TMEM273: variants seen among roughly 807,000 people sequenced by gnomAD.
TMEM273 encodes chromosome 10 open reading frame 128.
TMEM273 carries 19 observed loss-of-function variants against 17.9 expected under a neutral mutation model. The observed-to-expected ratio is 1.06, with a 90% CI of 0.74 to 1.55. The LOEUF is 1.55. Ranked by LOEUF, TMEM273 falls within the 40% of genes most tolerant of loss-of-function variation. The probability of loss-of-function intolerance (pLI) is 0.00; values close to 1 mark genes in which losing one functional copy is unlikely to be tolerated. For missense variants in TMEM273, 194 were observed against 155.6 expected (o/e 1.25, Z -1.31); for synonymous variants, 66 against 62.0 (o/e 1.07, Z -0.31).
chr10:49,184,765 C>G (rs1413463575), intron 1 of TMEM273, among the ~76,000 whole-genome samples: 1 of 152,194 alleles, frequency 6.6e-6, no homozygotes, highest in Non-Finnish European at 1.5e-5. Context: ...GCTAGAAAAC[C>G]AGCTGCAGGT....
At chr10:49,163,588 C>T (rs944870551) in intron 5 of TMEM273, among the ~76,000 whole-genome samples, 2 of 152,160 alleles carry the variant, frequency 1.3e-5, no homozygotes, top group Non-Finnish European at 2.9e-5. Flanking sequence ...AGCCTCTTCT[C>T]ACTCTCACAA....
At position 49,188,376 on chromosome 10, in the gene TMEM273, G is replaced by A. The variant is rs1847856922; in HGVS notation, c.-40C>T. 1.2e-6 allele frequency: 2 copies of A among 1,613,918 alleles called. No individual in the cohort carries two copies. Among genetic ancestry groups the A allele is most frequent in the African/African-American group, 2.7e-5 (2 of 75,042 alleles). On this transcript the variant is annotated 5_prime_UTR_variant, in exon 1 of 7. Transcript: ENST00000374153. Reference sequence around the variant, plus strand: ...CTTGGCTCCTGGCTCCTGGCTGCTGGCAGCGCAGGCACAATGAGCCATGTG... The same window carrying A: ...CTTGGCTCCTGGCTCCTGGCTGCTGACAGCGCAGGCACAATGAGCCATGTG...
chr10:49,177,446 TA>T (rs1847056712), intron 1 of TMEM273, among the ~76,000 whole-genome samples: 2 of 152,142 alleles, frequency 1.3e-5, no homozygotes, highest in Admixed American at 1.3e-4. Flanking sequence ...CAAAACAAGA[TA>T]AAAAAGAAAA....
intron 1 of TMEM273, among the ~76,000 whole-genome samples, chr10:49,179,646 GAGA>G (rs1415616800): frequency 2.0e-4 from 31 of 152,276 alleles, no homozygotes; most frequent in Middle Eastern, 3.4e-3. Flanking sequence ...CAAAAATGGA[GAGA>G]AGAAGGCAGA....
chr10:49,176,627 C>T (rs1278170398), intron 1 of TMEM273, among the ~76,000 whole-genome samples: 1 of 152,206 alleles, frequency 6.6e-6, no homozygotes, highest in Non-Finnish European at 1.5e-5. Context: ...CTCTGGGAAG[C>T]ATTGCTCTGG....
chr10:49,186,122 A>AG (rs1564652571), intron 1 of TMEM273, among the ~76,000 whole-genome samples: 8 of 129,520 alleles, frequency 6.2e-5, no homozygotes, highest in Admixed American at 2.2e-4. Context: ...AAGAAGAAGA[A>AG]AAAGAGGAAG....
In TMEM273 at chr10:49,176,680, C is replaced by T. The variant is rs144789998; in HGVS notation, c.44-8718G>A. Among the ~76,000 whole-genome samples the T allele has an allele frequency of 7.4e-3, 1,119 of 152,166 alleles. 21 individuals are homozygous for T. The South Asian group carries it at 0.088, about 12-fold the overall frequency. ...CCGAGGGGAGTGCGCATCCAGGGAG[C>T]GGGGCTGTGGGATGACAGCTGTCCT... On this transcript the variant is annotated intron_variant, in intron 1 of 6. Coordinates refer to ENST00000374153, the MANE Select transcript of TMEM273 (RefSeq NM_001288740.3).
chr10:49,175,667 G>A lies in TMEM273; in HGVS notation c.44-7705C>T, dbSNP rs2132231039. ...AATGGAGGGGTGGAGGCGGAGAGCTGGCCTGGGCCTGAACCAGGGCTAGGA... is the reference window on the plus strand; with the variant it reads ...AATGGAGGGGTGGAGGCGGAGAGCTAGCCTGGGCCTGAACCAGGGCTAGGA... On this transcript the variant is annotated intron_variant, in intron 1 of 6. Coordinates refer to ENST00000374153, the MANE Select transcript of TMEM273 (RefSeq NM_001288740.3). 1.3e-5 allele frequency among the ~76,000 whole-genome samples: 2 copies of A among 152,358 alleles called. 1 individual carries two copies. Among genetic ancestry groups the A allele is most frequent in the South Asian group, 4.1e-4 (2 of 4,828 alleles).
chr10:49,168,448 C>T (rs1001023878), intron 1 of TMEM273, among the ~76,000 whole-genome samples: 3 of 152,078 alleles, frequency 2.0e-5, no homozygotes, highest in Non-Finnish European at 4.4e-5. Flanking sequence ...GCTCCGTAGC[C>T]GTGGTGCTTG....
intron 1 of TMEM273, among the ~76,000 whole-genome samples, chr10:49,185,476 T>G (rs1396144779): frequency 6.6e-6 from 1 of 152,176 alleles, no homozygotes; most frequent in Non-Finnish European, 1.5e-5. Flanking sequence ...GACCCCCATC[T>G]GCCAGTAGAT....
At position 49,155,024 on chromosome 10, in the gene TMEM273, T is replaced by C. The variant is rs528259204; in HGVS notation, c.*868A>G. On this transcript the variant is annotated 3_prime_UTR_variant, in exon 7 of 7. Coordinates refer to ENST00000374153, the MANE Select transcript of TMEM273 (RefSeq NM_001288740.3). ...TGTGATCCCAGAAATACAGGGTTAA[T>C]ATTACAAGGGAGAGAAATGCTCACG... 4 of 152,342 alleles carry C rather than the reference T, an allele frequency of 2.6e-5. No homozygotes were observed. The allele number at this position is 152,342 out of a possible 1,614,324, so 9.4% of individuals were successfully genotyped here. A position where few individuals can be genotyped will look rare whatever the true frequency, so the allele number is the denominator to read the frequency against.
chr10:49,167,008 A>G lies in TMEM273; in HGVS notation c.99T>C (p.Asp33=), dbSNP rs1564628741. ...ATGKTPGAEI[D]FKYALIGTAV... ...CAGTCCCGATGAGGGCGTACTTGAA[A>G]TCTGAAACGCAGGGAGGAATTGAAC... is the stretch of plus-strand genomic sequence containing the variant. Residue 33 remains aspartate (D), a splice_region_variant and synonymous_variant, in exon 3 of 7, where the codon GAT becomes GAC. Transcript: ENST00000374153. 1.2e-6 allele frequency: 2 copies of G among 1,613,872 alleles called. No homozygotes were observed. The highest frequency in any genetic ancestry group is 4.5e-5 in the East Asian group (2 of 44,866).
chr10:49,156,019 G>A, intron 6 of TMEM273, 110 bp from the exon 7 acceptor site: 1 of 1,591,710 alleles, frequency 6.3e-7, no homozygotes, highest in Non-Finnish European at 8.6e-7. Flanking sequence ...AAGCTCATCA[G>A]CAAAGCCTGC....
chr10:49,186,018 GA>G (rs1847646912), intron 1 of TMEM273, among the ~76,000 whole-genome samples: 1 of 142,088 alleles, frequency 7.0e-6, no homozygotes, highest in African/African-American at 2.6e-5. Flanking sequence ...GGAGGAGGAG[GA>G]AGAAGAAGAA....
In TMEM273 at chr10:49,156,618, G is replaced by A. The variant is rs192542244; in HGVS notation, c.373-709C>T. ...CTTACATTGAATGATGCAAAATTGT[G>A]TATGACTTTCCATTGTGTATATTCA... On this transcript the variant is annotated intron_variant, in intron 6 of 6. Coordinates refer to ENST00000374153, the MANE Select transcript of TMEM273 (RefSeq NM_001288740.3). Among the ~76,000 whole-genome samples the A allele has an allele frequency of 3.1e-3, 472 of 152,328 alleles. 3 individuals are homozygous for A. Among genetic ancestry groups the A allele is most frequent in the African/African-American group, 0.011 (449 of 41,570 alleles).
rs962746135 is a variant in TMEM273, at chr10:49,167,924, G to A, written c.82C>T (p.Pro28Ser). 4.3e-6 allele frequency: 7 copies of A among 1,614,012 alleles called. No homozygotes were observed. The South Asian group carries it at 4.4e-5, about 10-fold the overall frequency. Residue 28 changes from proline to serine, a missense_variant, in exon 2 of 7, where the codon CCT (proline) becomes TCT (serine). Transcript: ENST00000374153. ...AGCCACGTACCAATTTCAGCCCCAGGGGTCTTGCCTGTTGCCAGCACTTGA... is the reference window on the plus strand; with the variant it reads ...AGCCACGTACCAATTTCAGCCCCAGAGGTCTTGCCTGTTGCCAGCACTTGA... ...GAQVLATGKTPGAEIDFKYAL... is the reference protein window; with the variant it reads ...GAQVLATGKTSGAEIDFKYAL...
intron 1 of TMEM273, among the ~76,000 whole-genome samples, chr10:49,184,385 G>T (rs1366986917): frequency 6.6e-6 from 1 of 152,176 alleles, no homozygotes. Flanking sequence ...CATACTGAGA[G>T]AAGATATTTG....
chr10:49,187,438 C>T (rs1207430393), intron 1 of TMEM273, among the ~76,000 whole-genome samples: 2 of 152,222 alleles, frequency 1.3e-5, no homozygotes, highest in Admixed American at 1.3e-4. Flanking sequence ...TGGAGACAGA[C>T]TGCTTCCCAT....
At chr10:49,184,676 C>A (rs1385672148) in intron 1 of TMEM273, among the ~76,000 whole-genome samples, 4 of 152,168 alleles carry the variant, frequency 2.6e-5, no homozygotes, top group African/African-American at 9.7e-5. Context: ...GATATGGCCA[C>A]AACCCCCTGG....
Sources: allele counts gnomAD v4.1 joint callset (sites outside exome capture counted in the v4.1 genomes callset), GRCh38; gene constraint gnomAD v4.1.1; transcripts MANE v1.5; gene names NCBI Gene and HGNC (gene_info 2026-07-23, HGNC 2026-07-21).